The following PCDHAC1 variants were observed in gnomAD, a reference collection of about 807,000 sequenced individuals.
PCDHAC1 encodes the protein protocadherin alpha-C1.
Under a neutral mutation model 60.0 loss-of-function variants are expected in PCDHAC1, and 42 were observed. That is an observed-to-expected ratio of 0.70 (90% CI 0.55 to 0.90). The LOEUF (loss-of-function observed/expected upper bound fraction) is 0.90, where lower values mean the gene tolerates loss of function less well. Among genes scored for constraint, PCDHAC1 ranks in the 40% least tolerant of loss-of-function variants. The probability of loss-of-function intolerance (pLI) is 0.00; values close to 1 mark genes in which losing one functional copy is unlikely to be tolerated. For missense variants in PCDHAC1, 1,160 were observed against 1,222.3 expected (o/e 0.95, Z 0.76); for synonymous variants, 468 against 499.3 (o/e 0.94, Z 0.84).
At chr5:141,007,498 G>T (rs936217793) in intron 3 of PCDHAC1, among the ~76,000 whole-genome samples, 2 of 151,942 alleles carry the variant, frequency 1.3e-5, no homozygotes, top group Admixed American at 1.3e-4. Context: ...GACCTAGGAG[G>T]CAGAGACTGC....
At position 141,010,302 on chromosome 5, in the gene PCDHAC1, A is replaced by C; in HGVS notation, c.*365A>C. On this transcript the variant is annotated 3_prime_UTR_variant, in exon 4 of 4. Coordinates refer to ENST00000253807, the MANE Select transcript of PCDHAC1 (RefSeq NM_018898.5). ...TGATGACACTTGCAGGGCAGGCTGA[A>C]AAGTTTTGAGATTGAGCAGCTTGGG... The C allele has an allele frequency of 6.5e-7, 1 of 1,549,074 alleles. No individual in the cohort carries two copies. The highest frequency in any genetic ancestry group is 8.7e-7 in the Non-Finnish European group (1 of 1,146,244).
At chr5:140,980,440 G>A (rs1317929590) in intron 2 of PCDHAC1, among the ~76,000 whole-genome samples, 1 of 152,144 alleles carries the variant, frequency 6.6e-6, no homozygotes, top group African/African-American at 2.4e-5. Flanking sequence ...GACCATCCTG[G>A]ACAACACGGT....
intron 1 of PCDHAC1, among the ~76,000 whole-genome samples, chr5:140,946,310 A>G (rs562859671): frequency 2.6e-5 from 4 of 152,074 alleles, no homozygotes; most frequent in African/African-American, 4.8e-5. Context: ...TAGAATGGCT[A>G]TTATTGAAAG....
intron 1 of PCDHAC1, among the ~76,000 whole-genome samples, chr5:140,970,865 T>C (rs1255232385): frequency 6.6e-6 from 1 of 152,180 alleles, no homozygotes; most frequent in Non-Finnish European, 1.5e-5. Context: ...CCATTCCTGA[T>C]TGAGAGTAGA....
Position 140,927,378 on chromosome 5 carries a change from C to T in PCDHAC1, c.486C>T (p.Ser162=). 1.9e-6 allele frequency: 3 copies of T among 1,614,110 alleles called. No individual in the cohort carries two copies. Among genetic ancestry groups the T allele is most frequent in the Non-Finnish European group, 2.5e-6 (3 of 1,179,940 alleles). Residue 162 remains serine (S), a synonymous_variant, in exon 1 of 4, where the codon AGC becomes AGT. Transcript: ENST00000253807. ...DEGSNGILSY[S]LSPSQHFRLD... ...GAAGCAATGGGATACTAAGCTACAG[C>T]CTAAGCCCCAGTCAGCACTTTCGCC...
chr5:140,953,528 C>T (rs2094898852), intron 1 of PCDHAC1, among the ~76,000 whole-genome samples: 1 of 152,112 alleles, frequency 6.6e-6, no homozygotes, highest in Non-Finnish European at 1.5e-5. Context: ...AAACGGGAAA[C>T]TCACTTCATG....
At chr5:140,976,486 G>T (rs782708902) in intron 1 of PCDHAC1, among the ~76,000 whole-genome samples, 1 of 152,078 alleles carries the variant, frequency 6.6e-6, no homozygotes, top group Non-Finnish European at 1.5e-5. Context: ...GGGAGGCAGA[G>T]GTTGCAGGGA....
chr5:140,990,535 A>T (rs1450949471), intron 3 of PCDHAC1, among the ~76,000 whole-genome samples: 1 of 152,182 alleles, frequency 6.6e-6, no homozygotes, highest in African/African-American at 2.4e-5. Context: ...ACTGTGCATC[A>T]TAGATACTGT....
At chr5:140,968,365 T>C (rs1554230638) in intron 1 of PCDHAC1, 1 of 1,614,112 alleles carries the variant, frequency 6.2e-7, no homozygotes, top group Non-Finnish European at 8.5e-7. Context: ...GCCTTTATGC[T>C]GTCAACTCCT....
chr5:140,961,236 T>C (rs246004), intron 1 of PCDHAC1, among the ~76,000 whole-genome samples: 47,773 of 152,034 alleles, frequency 0.31, 7,861 homozygotes, highest in East Asian at 0.53. Context: ...AAAAAGGTGA[T>C]GGAATTTATC....
intron 1 of PCDHAC1, among the ~76,000 whole-genome samples, chr5:140,934,913 G>A (rs1226804104): frequency 1.3e-5 from 2 of 152,062 alleles, no homozygotes; most frequent in African/African-American, 4.8e-5. Flanking sequence ...GAATAATTAT[G>A]GATTCACATA....
chr5:140,973,203 A>T (rs1554234958), intron 1 of PCDHAC1, among the ~76,000 whole-genome samples: 1 of 152,196 alleles, frequency 6.6e-6, no homozygotes, highest in Non-Finnish European at 1.5e-5. Flanking sequence ...ATGTGTGCAT[A>T]TTCACCCTAA....
intron 1 of PCDHAC1, among the ~76,000 whole-genome samples, chr5:140,946,432 A>C (rs1254032204): frequency 6.6e-6 from 1 of 151,682 alleles, no homozygotes; most frequent in Admixed American, 6.6e-5. Context: ...GTTACTCAAA[A>C]ATTGAGACTA....
At chr5:140,983,165 T>A (rs947834633) in intron 3 of PCDHAC1, among the ~76,000 whole-genome samples, 14 of 152,220 alleles carry the variant, frequency 9.2e-5, no homozygotes, top group Admixed American at 4.6e-4. Context: ...TTGCCAAACA[T>A]GACCGCCTCA....
rs2094433165 is a variant in PCDHAC1, at chr5:140,949,923, G to T, written c.2433+20598G>T. Among the ~76,000 whole-genome samples the T allele has an allele frequency of 2.7e-5, 4 of 150,516 alleles. No homozygotes were observed. In the South Asian group the frequency reaches 8.3e-4, roughly 31 times the overall value. On this transcript the variant is annotated intron_variant, in intron 1 of 3. Coordinates refer to ENST00000253807, the MANE Select transcript of PCDHAC1 (RefSeq NM_018898.5). Reference sequence around the variant, plus strand: ...TAATTTTTAGATATAACTATTTTTAGATTTTTTTTAATTTGCATTTTTTAG... The same window carrying T: ...TAATTTTTAGATATAACTATTTTTATATTTTTTTTAATTTGCATTTTTTAG...
At position 140,926,851 on chromosome 5, in the gene PCDHAC1, T is replaced by G. The variant is rs201136210; in HGVS notation, c.-42T>G. On this transcript the variant is annotated 5_prime_UTR_variant, in exon 1 of 4. Transcript: ENST00000253807. The stretch of plus-strand genomic sequence containing the variant: ...TCCGGAGCATGGTCCTGGGTCACCG[T>G]TGGTGTAGCGTGTTGGTGGAACGTG... 3 of 1,517,102 alleles carry G rather than the reference T, an allele frequency of 2.0e-6. No homozygotes were observed. In the African/African-American group the frequency reaches 4.2e-5, roughly 21 times the overall value. The allele number at this position is 1,517,102 out of a possible 1,614,324, so 94.0% of individuals were successfully genotyped here.
chr5:140,971,165 G>A (rs1390176241), intron 1 of PCDHAC1, among the ~76,000 whole-genome samples: 1 of 152,136 alleles, frequency 6.6e-6, no homozygotes, highest in Non-Finnish European at 1.5e-5. Context: ...GCTCAGCTTT[G>A]CCACCAGCTG....
At chr5:140,963,871 T>A (rs2095795562) in intron 1 of PCDHAC1, among the ~76,000 whole-genome samples, 1 of 152,238 alleles carries the variant, frequency 6.6e-6, no homozygotes, top group Non-Finnish European at 1.5e-5. Context: ...GAGTTTTGCT[T>A]ACTATTGTTT....
At chr5:140,990,737 C>T (rs2097410697) in intron 3 of PCDHAC1, among the ~76,000 whole-genome samples, 1 of 152,162 alleles carries the variant, frequency 6.6e-6, no homozygotes, top group African/African-American at 2.4e-5. Context: ...ATCAACAGCC[C>T]TAGGGTGGAT....
Sources: allele counts gnomAD v4.1 joint callset (sites outside exome capture counted in the v4.1 genomes callset), GRCh38; gene constraint gnomAD v4.1.1; transcripts MANE v1.5; gene names NCBI Gene and HGNC (gene_info 2026-07-23, HGNC 2026-07-21).